C10orf90: variants seen among roughly 807,000 people sequenced by gnomAD.
The protein encoded by C10orf90 is chromosome 10 open reading frame 90, also known as (E2-independent) E3 ubiquitin-conjugating enzyme FATS.
C10orf90 carries 56 observed loss-of-function variants against 62.5 expected under a neutral mutation model. That is an observed-to-expected ratio of 0.90 (90% confidence interval 0.72 to 1.12). The LOEUF is 1.12. C10orf90 is among the 50% of genes most tolerant of loss of function. The probability of loss-of-function intolerance (pLI) is 0.00; values close to 1 mark genes in which losing one functional copy is unlikely to be tolerated. For missense variants in C10orf90, 970 were observed against 880.4 expected (o/e 1.10, Z -1.29); for synonymous variants, 386 against 340.4 (o/e 1.13, Z -1.47).
intron 2 of C10orf90, among the ~76,000 whole-genome samples, chr10:126,542,671 G>A (rs973153992): frequency 9.9e-5 from 15 of 152,148 alleles, no homozygotes; most frequent in African/African-American, 3.1e-4. Flanking sequence ...AAAGCAACAA[G>A]GAGATACTCT....
intron 7 of C10orf90, among the ~76,000 whole-genome samples, chr10:126,446,740 A>G (rs1858809005): frequency 6.6e-6 from 1 of 152,214 alleles, no homozygotes; most frequent in Non-Finnish European, 1.5e-5. Context: ...GAATACTCTA[A>G]TAGTGTAATG....
chr10:126,538,224 T>A (rs949368696), intron 2 of C10orf90, among the ~76,000 whole-genome samples: 1 of 152,186 alleles, frequency 6.6e-6, no homozygotes, highest in Non-Finnish European at 1.5e-5. Flanking sequence ...TCAGATCTTA[T>A]GAGACTTACT....
At chr10:126,539,038 T>C (rs997669099) in intron 2 of C10orf90, among the ~76,000 whole-genome samples, 1 of 152,192 alleles carries the variant, frequency 6.6e-6, no homozygotes, top group African/African-American at 2.4e-5. Flanking sequence ...AGCTTTGAAG[T>C]TGATTAAACA....
chr10:126,491,785 A>G (rs1250707594), intron 4 of C10orf90, among the ~76,000 whole-genome samples: 1 of 152,254 alleles, frequency 6.6e-6, no homozygotes, highest in Admixed American at 6.5e-5. Context: ...GGCATTTCCA[A>G]CCGGTAGAAA....
At chr10:126,577,880 G>A (rs1844659260) in intron 2 of C10orf90, among the ~76,000 whole-genome samples, 2 of 152,118 alleles carry the variant, frequency 1.3e-5, no homozygotes, top group African/African-American at 4.8e-5. Flanking sequence ...GTAATGTAAT[G>A]AGGAAATAAT....
chr10:126,542,273 C>T (rs1864391554), intron 2 of C10orf90, among the ~76,000 whole-genome samples: 1 of 152,038 alleles, frequency 6.6e-6, no homozygotes, highest in Non-Finnish European at 1.5e-5. Flanking sequence ...GAGGTAGAGG[C>T]AGGTGGATCA....
chr10:126,602,618 A>C (rs946545957), intron 2 of C10orf90, among the ~76,000 whole-genome samples: 1 of 152,200 alleles, frequency 6.6e-6, no homozygotes, highest in Admixed American at 6.5e-5. Flanking sequence ...TGGTTTGGAC[A>C]GAGCCCATAA....
intron 2 of C10orf90, among the ~76,000 whole-genome samples, chr10:126,544,354 C>A (rs1864442166): frequency 6.6e-6 from 1 of 152,134 alleles, no homozygotes; most frequent in African/African-American, 2.4e-5. Context: ...GCTTCCCATC[C>A]CCAGCCTGTC....
intron 2 of C10orf90, among the ~76,000 whole-genome samples, chr10:126,572,755 G>C (rs1349091387): frequency 6.6e-6 from 1 of 152,074 alleles, no homozygotes; most frequent in African/African-American, 2.4e-5. Context: ...GTAAGTTTCA[G>C]CCTCATTTTA....
chr10:126,455,875 C>T (rs115675911), intron 7 of C10orf90, among the ~76,000 whole-genome samples: 2,677 of 152,282 alleles, frequency 0.018, 54 homozygotes, highest in African/African-American at 0.042. Context: ...TGAAGTACAG[C>T]GGGTCCCCTG....
intron 4 of C10orf90, among the ~76,000 whole-genome samples, chr10:126,501,576 C>A (rs1458010868): frequency 6.6e-5 from 10 of 152,054 alleles, no homozygotes; most frequent in Non-Finnish European, 1.5e-5. Context: ...GATGGGACCT[C>A]GAAAACACCC....
chr10:126,659,261 G>A (rs1423573884), intron 1 of C10orf90, among the ~76,000 whole-genome samples: 1 of 152,160 alleles, frequency 6.6e-6, no homozygotes, highest in Non-Finnish European at 1.5e-5. Flanking sequence ...CTGAGAAGCT[G>A]GCAGTTTCCA....
chr10:126,534,725 T>C (rs1262831911), intron 2 of C10orf90, among the ~76,000 whole-genome samples: 1 of 151,370 alleles, frequency 6.6e-6, no homozygotes, highest in African/African-American at 2.4e-5. Context: ...GACTCTGGGT[T>C]TGTGTGTTTC....
chr10:126,601,356 G>C lies in C10orf90; in HGVS notation c.313+45209C>G, dbSNP rs564527015. 4.6e-5 allele frequency among the ~76,000 whole-genome samples: 7 copies of C among 152,316 alleles called. No individual in the cohort carries two copies. The East Asian group carries it at 1.3e-3, about 29-fold the overall frequency. On this transcript the variant is annotated intron_variant, in intron 2 of 9. Transcript: ENST00000488181. ...TTGTAACTGCTCTTGCCCCCAAAAA[G>C]TAACTATGTGTATGGTAAATATGTT...
intron 7 of C10orf90, among the ~76,000 whole-genome samples, chr10:126,455,638 G>A (rs1426421558): frequency 6.6e-6 from 1 of 152,214 alleles, no homozygotes; most frequent in Admixed American, 6.5e-5. Context: ...CTTACGCATT[G>A]TATTTATTGG....
At chr10:126,587,839 A>T (rs1413738632) in intron 2 of C10orf90, among the ~76,000 whole-genome samples, 2 of 152,124 alleles carry the variant, frequency 1.3e-5, no homozygotes, top group Non-Finnish European at 2.9e-5. Flanking sequence ...GTAGGCAGGC[A>T]CTGTGCCTCT....
chr10:126,476,549 C>A (rs1169153939), intron 4 of C10orf90, among the ~76,000 whole-genome samples: 1 of 152,234 alleles, frequency 6.6e-6, no homozygotes, highest in Admixed American at 6.5e-5. Flanking sequence ...CCTCCGTCTC[C>A]TGTGACTGCG....
intron 4 of C10orf90, among the ~76,000 whole-genome samples, chr10:126,487,707 T>C (rs1233716293): frequency 2.0e-5 from 3 of 152,168 alleles, no homozygotes; most frequent in Non-Finnish European, 4.4e-5. Context: ...ATGTAAAATA[T>C]GTACTTTAGG....
intron 2 of C10orf90, among the ~76,000 whole-genome samples, chr10:126,598,942 C>T (rs1482240005): frequency 6.6e-6 from 1 of 152,154 alleles, no homozygotes; most frequent in Non-Finnish European, 1.5e-5. Flanking sequence ...TATAATTCAG[C>T]TTTGCTCTAT....
Sources: allele counts gnomAD v4.1 joint callset (sites outside exome capture counted in the v4.1 genomes callset), GRCh38; gene constraint gnomAD v4.1.1; transcripts MANE v1.5; gene names NCBI Gene and HGNC (gene_info 2026-07-23, HGNC 2026-07-21).